Variants in ABI3BP observed in about 807,000 individuals in gnomAD.
ABI3BP encodes ABI family member 3 binding protein, also known as target of Nesh-SH3.
A neutral mutation model predicts 268.6 loss-of-function variants in ABI3BP; 216 were observed. The observed-to-expected ratio is 0.80, with a 90% CI of 0.72 to 0.90. The LOEUF (loss-of-function observed/expected upper bound fraction) is 0.90. Among genes scored for constraint, ABI3BP ranks in the 40% least tolerant of loss-of-function variants. The pLI is 0.00. For missense variants in ABI3BP, 2,090 were observed against 2,182.4 expected (o/e 0.96, Z 0.84); for synonymous variants, 730 against 730.0 (o/e 1.00, Z 0.00).
chr3:100,943,274 C>T lies in ABI3BP; in HGVS notation c.80-16793G>A, dbSNP rs542055168. ...CATGTACATTTCCGTCTCTCCATCCCTCTGTCCATCATTCATTCCATCTTA... is the reference window on the plus strand; with the variant it reads ...CATGTACATTTCCGTCTCTCCATCCTTCTGTCCATCATTCATTCCATCTTA... On this transcript the variant is annotated intron_variant, in intron 1 of 67. Coordinates refer to ENST00000471714, the MANE Select transcript of ABI3BP (RefSeq NM_001375547.2). Among the ~76,000 whole-genome samples the T allele has an allele frequency of 1.6e-4, 24 of 152,244 alleles. No individual in the cohort carries two copies. The South Asian group carries it at 4.8e-3, about 30-fold the overall frequency.
In ABI3BP at chr3:100,796,502, CTAAA is replaced by C. The variant is rs775977719; in HGVS notation, c.3758-38_3758-35del. On this transcript the variant is annotated intron_variant, in intron 51 of 67. Transcript: ENST00000471714. ...AAAAGATTATAAAACACTGCATACT[CTAAA>C]TAACCCAACTGGAGTGAGCTTAACC... The C allele has an allele frequency of 2.0e-6, 3 of 1,517,626 alleles. No individual in the cohort carries two copies. In the African/African-American group the frequency reaches 4.2e-5, roughly 21 times the overall value. 94.0% of individuals were successfully genotyped at this position (1,517,626 alleles called of 1,614,324 possible).
chr3:100,909,662 G>T (rs1004373164), intron 2 of ABI3BP, among the ~76,000 whole-genome samples: 5 of 152,272 alleles, frequency 3.3e-5, no homozygotes, highest in East Asian at 1.9e-4. Flanking sequence ...ACAAACATAT[G>T]AAAAAATGCT....
intron 7 of ABI3BP, 33 bp downstream of exon 7, chr3:100,876,479 G>A: frequency 6.3e-7 from 1 of 1,582,000 alleles, no homozygotes; most frequent in Non-Finnish European, 8.7e-7. Context: ...GTTAAAGATT[G>A]CTCTAAACAC....
In ABI3BP at chr3:100,818,506, G is replaced by A. The variant is rs938894032; in HGVS notation, c.3088+19C>T. 7 of 1,528,282 alleles carry A rather than the reference G, an allele frequency of 4.6e-6. No homozygotes were observed. In the Admixed American group the frequency reaches 5.9e-5, roughly 13 times the overall value. The allele number at this position is 1,528,282 out of a possible 1,614,324, so 94.7% of individuals were successfully genotyped here. ...ATAAGCAGGAAAAGCACTATTTGAA[G>A]GACACACATTCTCATTACCCATGGT... is the stretch of plus-strand genomic sequence containing the variant. On this transcript the variant is annotated intron_variant, in intron 41 of 67. Transcript: ENST00000471714.
At chr3:100,914,853 A>AT (rs1172575802) in intron 2 of ABI3BP, among the ~76,000 whole-genome samples, 1 of 152,228 alleles carries the variant, frequency 6.6e-6, no homozygotes, top group African/African-American at 2.4e-5. Flanking sequence ...ACAGAGGGTC[A>AT]TTTTAAAGAC....
intron 1 of ABI3BP, among the ~76,000 whole-genome samples, chr3:100,935,988 G>T (rs1356138793): frequency 1.3e-5 from 2 of 151,700 alleles, no homozygotes; most frequent in Non-Finnish European, 3.0e-5. Flanking sequence ...TTGCCTGATT[G>T]CCCTGGCCAG....
chr3:100,832,712 A>G (rs754138850), intron 30 of ABI3BP, among the ~76,000 whole-genome samples: 44 of 152,146 alleles, frequency 2.9e-4, no homozygotes, highest in Non-Finnish European at 5.7e-4. Flanking sequence ...CAAATTTTCC[A>G]CTTGGTAACT....
rs1181804621 is a variant in ABI3BP, at chr3:100,821,100, C to T, written c.2901G>A (p.Glu967=). The change falls in exon 39 of 68, where the codon GAG becomes GAA. Residue 967 remains glutamate (E), a synonymous_variant. Coordinates refer to ENST00000471714, the MANE Select transcript of ABI3BP (RefSeq NM_001375547.2). The part of the protein sequence containing the change: ...APESKPVPTA[E]LKPVTLRTET... Reference sequence around the variant, plus strand: ...CAGTTCTGAGTGTAACAGGTTTGAGCTCCGCAGTAGGAACTGATCAAAAGC... The same window carrying T: ...CAGTTCTGAGTGTAACAGGTTTGAGTTCCGCAGTAGGAACTGATCAAAAGC... The T allele has an allele frequency of 6.5e-7, 1 of 1,535,754 alleles. No homozygotes were observed. The highest frequency in any genetic ancestry group is 8.7e-7 in the Non-Finnish European group (1 of 1,146,718).
At chr3:100,827,892 G>C (rs1455270958) in intron 34 of ABI3BP, among the ~76,000 whole-genome samples, 10 of 151,994 alleles carry the variant, frequency 6.6e-5, no homozygotes, top group African/African-American at 2.4e-4. Flanking sequence ...AAATCTACTA[G>C]CCTTGATCAC....
At chr3:100,836,632 A>T (rs2098595869) in intron 27 of ABI3BP, among the ~76,000 whole-genome samples, 1 of 152,222 alleles carries the variant, frequency 6.6e-6, no homozygotes, top group Admixed American at 6.5e-5. Flanking sequence ...GGAATTTTGC[A>T]TCGCAAGATG....
intron 67 of ABI3BP, 53 bp downstream of exon 67, chr3:100,751,499 T>G: frequency 6.8e-7 from 1 of 1,463,032 alleles, no homozygotes; most frequent in Non-Finnish European, 9.1e-7. Flanking sequence ...CTTGATTTCT[T>G]TCTGAGTTAA....
At chr3:100,966,351 G>T (rs2081298583) in intron 1 of ABI3BP, among the ~76,000 whole-genome samples, 1 of 152,220 alleles carries the variant, frequency 6.6e-6, no homozygotes. Context: ...GTGAGGCAAT[G>T]CTATCTCTGA....
chr3:100,764,042 C>T (rs1266466392), intron 63 of ABI3BP, among the ~76,000 whole-genome samples: 1 of 152,098 alleles, frequency 6.6e-6, no homozygotes, highest in African/African-American at 2.4e-5. Flanking sequence ...CTTTGCCTCC[C>T]ATCCACTTAC....
rs1178708442 is a variant in ABI3BP at position 100,796,208 on chromosome 3, C to T, written c.3817+201G>A. Among the ~76,000 whole-genome samples, 5 of 152,010 alleles carry T rather than the reference C, an allele frequency of 3.3e-5. No individual in the cohort carries two copies. The East Asian group carries it at 9.6e-4, about 29-fold the overall frequency. On this transcript the variant is annotated intron_variant, in intron 52 of 67. Transcript: ENST00000471714. Reference sequence around the variant, plus strand: ...TTTTAGCGTGATCTACTCAATGAACCTATATACTATTCCCTCACTTCACCA... The same window carrying T: ...TTTTAGCGTGATCTACTCAATGAACTTATATACTATTCCCTCACTTCACCA...
At chr3:100,963,830 C>T (rs1017374674) in intron 1 of ABI3BP, among the ~76,000 whole-genome samples, 1 of 152,196 alleles carries the variant, frequency 6.6e-6, no homozygotes, top group Non-Finnish European at 1.5e-5. Context: ...TGAAGCCATT[C>T]ACTAACCAGC....
intron 1 of ABI3BP, among the ~76,000 whole-genome samples, chr3:100,926,724 G>A (rs1386490337): frequency 1.3e-5 from 2 of 152,120 alleles, no homozygotes; most frequent in East Asian, 1.9e-4. Flanking sequence ...GCAGGTAGAT[G>A]CAATTTGGTT....
At chr3:100,808,655 T>C (rs1254983061) in intron 49 of ABI3BP, among the ~76,000 whole-genome samples, 1 of 152,090 alleles carries the variant, frequency 6.6e-6, no homozygotes, top group Non-Finnish European at 1.5e-5. Context: ...AAATATATAA[T>C]GTATTTTAAT....
At chr3:100,962,558 T>C (rs972299441) in intron 1 of ABI3BP, among the ~76,000 whole-genome samples, 2 of 152,216 alleles carry the variant, frequency 1.3e-5, no homozygotes, top group African/African-American at 2.4e-5. Flanking sequence ...CAGTCCACTA[T>C]GAAATAGCTT....
At chr3:100,772,159 C>T (rs1290622666) in intron 61 of ABI3BP, among the ~76,000 whole-genome samples, 2 of 152,052 alleles carry the variant, frequency 1.3e-5, no homozygotes, top group East Asian at 1.9e-4. Context: ...AGTGAAAATA[C>T]CTTAAAAGCA....
Sources: gnomAD v4.1 joint callset for allele counts (sites outside exome capture counted in the v4.1 genomes callset) on GRCh38, gnomAD v4.1.1 for gene constraint, MANE v1.5 for transcripts, NCBI Gene and HGNC (gene_info 2026-07-23, HGNC 2026-07-21) for gene names.